The following LANCL2 variants were observed in gnomAD, a reference collection of about 807,000 sequenced individuals.
LANCL2 encodes LanC like glutathione S-transferase 2, also known as lanC-like protein 2.
A neutral mutation model predicts 56.9 loss-of-function variants in LANCL2; 33 were observed. That is an observed-to-expected ratio of 0.58 (90% CI 0.44 to 0.78). The LOEUF is 0.78. Ranked by LOEUF, LANCL2 falls within the 30% of genes least tolerant of loss-of-function variation. LANCL2 has a pLI of 0.00. For synonymous variants in LANCL2, 233 were observed against 228.2 expected (o/e 1.02, Z -0.19); for missense variants, 562 against 580.2 (o/e 0.97, Z 0.32).
At chr7:55,374,927 G>A (rs1431182346) in intron 1 of LANCL2, among the ~76,000 whole-genome samples, 3 of 152,192 alleles carry the variant, frequency 2.0e-5, no homozygotes, top group African/African-American at 7.2e-5. Flanking sequence ...TTCTGCATGT[G>A]TACCATGATG....
At chr7:55,401,461 A>T in intron 5 of LANCL2, 141 bp downstream of exon 5, 1 of 436,978 alleles carries the variant, frequency 2.3e-6, no homozygotes, top group Non-Finnish European at 3.9e-6. Context: ...CATAAACCAC[A>T]GGCAGTGGAT....
chr7:55,379,812 GC>G (rs1305293525), intron 1 of LANCL2: 1 of 152,470 alleles, frequency 6.6e-6, no homozygotes, highest in Non-Finnish European at 1.5e-5. Flanking sequence ...ATAGGGAATG[GC>G]AAATCCAGAA....
intron 1 of LANCL2, among the ~76,000 whole-genome samples, chr7:55,373,489 C>A (rs535062375): frequency 3.3e-5 from 5 of 151,876 alleles, no homozygotes; most frequent in African/African-American, 1.2e-4. Flanking sequence ...GAGATGGGGT[C>A]CTGCCATGTT....
intron 8 of LANCL2, among the ~76,000 whole-genome samples, chr7:55,429,096 A>G (rs1021146873): frequency 4.6e-5 from 7 of 152,158 alleles, no homozygotes; most frequent in Non-Finnish European, 5.9e-5. Context: ...TTGCATCTCT[A>G]TTCATGAAGG....
chr7:55,369,425 C>T (rs993014286), intron 1 of LANCL2, among the ~76,000 whole-genome samples: 1 of 152,214 alleles, frequency 6.6e-6, no homozygotes, highest in African/African-American at 2.4e-5. Context: ...AAATTATCCT[C>T]TGATTCTAAA....
In LANCL2 at chr7:55,365,837, C is replaced by T. The variant is rs1006338744; in HGVS notation, c.-189C>T. ...GCACAGCGCCCACCGCCTCTGCGGCCGCCTGATGTGCGAGCAGCCCGCGAC... is the reference window on the plus strand; with the variant it reads ...GCACAGCGCCCACCGCCTCTGCGGCTGCCTGATGTGCGAGCAGCCCGCGAC... On this transcript the variant is annotated 5_prime_UTR_variant, in exon 1 of 9. Transcript: ENST00000254770. The T allele has an allele frequency of 4.4e-4, 201 of 459,118 alleles. 1 individual carries two copies. The highest frequency in any genetic ancestry group is 2.9e-3 in the South Asian group (71 of 24,370). 28.4% of individuals were successfully genotyped at this position (459,118 alleles called of 1,614,324 possible).
At chr7:55,403,707 G>A (rs112262844) in intron 5 of LANCL2, among the ~76,000 whole-genome samples, 7,532 of 151,470 alleles carry the variant, frequency 0.05, 643 homozygotes, top group African/African-American at 0.17. Context: ...GAGCAGCTGG[G>A]ACTACAGGCG....
intron 1 of LANCL2, among the ~76,000 whole-genome samples, chr7:55,378,455 A>G (rs1180679714): frequency 6.6e-6 from 1 of 152,040 alleles, no homozygotes; most frequent in African/African-American, 2.4e-5. Context: ...AGTGAGACTC[A>G]GTCTCAAAAA....
intron 1 of LANCL2, among the ~76,000 whole-genome samples, chr7:55,386,542 C>T (rs1790128158): frequency 6.6e-6 from 1 of 152,136 alleles, no homozygotes; most frequent in African/African-American, 2.4e-5. Context: ...GCCAAGGCTG[C>T]TGTGAGCTAA....
intron 1 of LANCL2, among the ~76,000 whole-genome samples, chr7:55,381,305 A>G (rs1790066292): frequency 1.3e-5 from 2 of 152,162 alleles, no homozygotes; most frequent in Non-Finnish European, 2.9e-5. Flanking sequence ...CCTATGGCAA[A>G]ATCACATTTT....
At chr7:55,373,247 CTTGAG>C (rs1789965135) in intron 1 of LANCL2, among the ~76,000 whole-genome samples, 2 of 151,786 alleles carry the variant, frequency 1.3e-5, no homozygotes, top group Admixed American at 1.3e-4. Flanking sequence ...CTTGAACATA[CTTGAG>C]TTATTATTTT....
Position 55,433,234 on chromosome 7 carries a change from G to A in LANCL2, c.*1914G>A, listed in dbSNP as rs1361811236. ...GCCTAGGATGCGGGTGTCTCCCCAG[G>A]TGAGTCCATCCACACACGTTTGAAA... is the stretch of plus-strand genomic sequence containing the variant. On this transcript the variant is annotated 3_prime_UTR_variant, in exon 9 of 9. Coordinates refer to ENST00000254770, the MANE Select transcript of LANCL2 (RefSeq NM_018697.4). The A allele has an allele frequency of 6.6e-6, 1 of 152,312 alleles. No homozygotes were observed. Among genetic ancestry groups the A allele is most frequent in the Non-Finnish European group, 1.5e-5 (1 of 68,060 alleles). 9.4% of individuals were successfully genotyped at this position (152,312 alleles called of 1,614,324 possible).
At chr7:55,420,189 G>A (rs1425441112) in intron 6 of LANCL2, among the ~76,000 whole-genome samples, 1 of 151,888 alleles carries the variant, frequency 6.6e-6, no homozygotes, top group African/African-American at 2.4e-5. Flanking sequence ...TCTAATACAG[G>A]CATTTAAAGC....
chr7:55,409,973 A>C lies in LANCL2; in HGVS notation c.826-1934A>C, dbSNP rs552060811. On this transcript the variant is annotated intron_variant, in intron 5 of 8. Coordinates refer to ENST00000254770, the MANE Select transcript of LANCL2 (RefSeq NM_018697.4). The stretch of plus-strand genomic sequence containing the variant: ...AGGATTATGGATGGTGACCAGAGTG[A>C]AACTAAAAATGGTGACCAGAGTGAA... Among the ~76,000 whole-genome samples, 31 of 152,356 alleles carry C rather than the reference A, an allele frequency of 2.0e-4. No individual in the cohort carries two copies. In the South Asian group the frequency reaches 6.4e-3, roughly 32 times the overall value.
intron 2 of LANCL2, among the ~76,000 whole-genome samples, chr7:55,395,629 A>C (rs1168386905): frequency 6.6e-6 from 1 of 152,188 alleles, no homozygotes; most frequent in Non-Finnish European, 1.5e-5. Flanking sequence ...AAGAGAAAGA[A>C]AGATAAAGAG....
chr7:55,366,595 A>G (rs1466386168), intron 1 of LANCL2, among the ~76,000 whole-genome samples: 1 of 152,020 alleles, frequency 6.6e-6, no homozygotes, highest in African/African-American at 2.4e-5. Flanking sequence ...TGCTCCTCAG[A>G]AGTGGCCTGG....
intron 2 of LANCL2, among the ~76,000 whole-genome samples, chr7:55,396,688 A>C (rs1790257359): frequency 6.8e-6 from 1 of 147,062 alleles, no homozygotes; most frequent in African/African-American, 2.5e-5. Context: ...CTGCCAACAA[A>C]AAACGACAAA....
chr7:55,424,169 G>A (rs1790637645), intron 6 of LANCL2, among the ~76,000 whole-genome samples: 1 of 152,182 alleles, frequency 6.6e-6, no homozygotes, highest in Non-Finnish European at 1.5e-5. Context: ...GGATAACTAA[G>A]AACAGACTCT....
At chr7:55,403,456 A>AGAG (rs1009366364) in intron 5 of LANCL2, among the ~76,000 whole-genome samples, 1 of 150,320 alleles carries the variant, frequency 6.7e-6, no homozygotes, top group African/African-American at 2.5e-5. Flanking sequence ...AGGGAGAGGG[A>AGAG]GAGGAGGGAG....
Sources: allele counts gnomAD v4.1 joint callset (sites outside exome capture counted in the v4.1 genomes callset), GRCh38; gene constraint gnomAD v4.1.1; transcripts MANE v1.5; gene names NCBI Gene and HGNC (gene_info 2026-07-23, HGNC 2026-07-21).